Variants in ERC2 observed in about 807,000 individuals in gnomAD.
ERC2 encodes ELKS/RAB6-interacting/CAST family member 2, also known as ERC protein 2.
A neutral mutation model predicts 114.8 loss-of-function variants in ERC2; 42 were observed. The ratio of observed to expected loss-of-function variants is 0.37; its 90% CI spans 0.29 to 0.47. ERC2 has a LOEUF of 0.47. ERC2 is among the 20% of genes least tolerant of loss of function. The pLI is 0.99. For missense variants in ERC2, 939 were observed against 1,150.7 expected, an observed-to-expected ratio of 0.82 and a Z score of 2.66; for synonymous variants, 454 against 425.5, an observed-to-expected ratio of 1.07 and a Z score of -0.82.
At chr3:56,184,592 A>G (rs1302961314) in intron 3 of ERC2, among the ~76,000 whole-genome samples, 2 of 151,992 alleles carry the variant, frequency 1.3e-5, no homozygotes, top group Non-Finnish European at 2.9e-5. Flanking sequence ...AGAGTTAGGT[A>G]ACATACCCAA....
At chr3:56,122,106 A>G (rs910654766) in intron 6 of ERC2, among the ~76,000 whole-genome samples, 1 of 152,250 alleles carries the variant, frequency 6.6e-6, no homozygotes, top group Non-Finnish European at 1.5e-5. Context: ...GAAACATTGG[A>G]AACAACCTGT....
At chr3:56,431,014 G>A (rs564302516) in intron 2 of ERC2, among the ~76,000 whole-genome samples, 1 of 152,232 alleles carries the variant, frequency 6.6e-6, no homozygotes, top group Non-Finnish European at 1.5e-5. Context: ...TGTGAACTTG[G>A]ATAAGTTGCT....
At chr3:56,030,107 G>A (rs1166619996) in intron 7 of ERC2, among the ~76,000 whole-genome samples, 2 of 152,132 alleles carry the variant, frequency 1.3e-5, no homozygotes, top group East Asian at 1.9e-4. Context: ...ATTTTCAAGT[G>A]TTTATAGATC....
intron 1 of ERC2, among the ~76,000 whole-genome samples, chr3:56,452,568 C>T (rs1424532740): frequency 6.6e-6 from 1 of 152,102 alleles, no homozygotes; most frequent in East Asian, 1.9e-4. Context: ...TATGTTTATA[C>T]AATTTAAAGT....
chr3:56,040,785 TATATAGATATATATAGAGAGATAC>T (rs1371984344), intron 7 of ERC2, among the ~76,000 whole-genome samples: 3 of 45,844 alleles, frequency 6.5e-5, no homozygotes, highest in African/African-American at 1.7e-4. Context: ...TATAGAGATA[TATATAGATATATATAGAGAGATAC>T]ATATAGATAT....
chr3:56,190,255 C>T (rs987319395), intron 3 of ERC2, among the ~76,000 whole-genome samples: 3 of 152,202 alleles, frequency 2.0e-5, no homozygotes, highest in Non-Finnish European at 4.4e-5. Context: ...CTGCCACCAA[C>T]AAGCTGTGAA....
Position 55,767,594 on chromosome 3 carries a change from G to A in ERC2, c.2565-32676C>T, listed in dbSNP as rs556451376. Among the ~76,000 whole-genome samples, 17 of 152,182 alleles carry A rather than the reference G, an allele frequency of 1.1e-4. No individual in the cohort carries two copies. In the East Asian group the frequency reaches 1.2e-3, roughly 10 times the overall value. On this transcript the variant is annotated intron_variant, in intron 14 of 17. Transcript: ENST00000288221. ...ATGCGTATAGACCTCTAAGAAGCCC[G>A]CCTAATCAGACATGCCCAGGTAGAT...
intron 7 of ERC2, among the ~76,000 whole-genome samples, chr3:56,067,853 C>T (rs182201530): frequency 1.5e-4 from 23 of 152,184 alleles, no homozygotes; most frequent in South Asian, 2.1e-4. Flanking sequence ...TATTGATTTG[C>T]GTATGTTGAA....
At chr3:56,152,502 C>A (rs2081475026) in intron 4 of ERC2, among the ~76,000 whole-genome samples, 1 of 152,058 alleles carries the variant, frequency 6.6e-6, no homozygotes, top group South Asian at 2.1e-4. Context: ...CTAAGCCCAG[C>A]ACTTAAGACA....
At chr3:55,820,990 G>A (rs1378768509) in intron 14 of ERC2, among the ~76,000 whole-genome samples, 1 of 152,092 alleles carries the variant, frequency 6.6e-6, no homozygotes, top group Non-Finnish European at 1.5e-5. Flanking sequence ...AAGAAAAATG[G>A]GAGAGAGCAA....
intron 2 of ERC2, among the ~76,000 whole-genome samples, chr3:56,376,031 C>T (rs1234772213): frequency 6.6e-6 from 1 of 152,154 alleles, no homozygotes; most frequent in Non-Finnish European, 1.5e-5. Flanking sequence ...CATGGATGAG[C>T]TTAGAAGCAG....
chr3:55,543,393 A>T (rs2054530767), intron 17 of ERC2, among the ~76,000 whole-genome samples: 1 of 152,204 alleles, frequency 6.6e-6, no homozygotes, highest in African/African-American at 2.4e-5. Context: ...ATCCCGATGA[A>T]AAAGGAAGGC....
intron 17 of ERC2, among the ~76,000 whole-genome samples, chr3:55,528,025 A>C (rs1263651024): frequency 6.6e-6 from 1 of 152,180 alleles, no homozygotes; most frequent in Non-Finnish European, 1.5e-5. Context: ...GCTTCCTTGG[A>C]GGATCAGGGG....
rs1430683725 is a variant in ERC2 at position 56,276,744 on chromosome 3, T to A, written c.1074+19275A>T. Among the ~76,000 whole-genome samples the A allele has an allele frequency of 2.6e-5, 4 of 152,268 alleles. No homozygotes were observed. In the East Asian group the frequency reaches 7.7e-4, roughly 29 times the overall value. ...CATGTGCTAGTGCAGGGGTGTCCAATCTTTTGGCTTCGCTGGGCCACATTG... is the reference window on the plus strand; with the variant it reads ...CATGTGCTAGTGCAGGGGTGTCCAAACTTTTGGCTTCGCTGGGCCACATTG... On this transcript the variant is annotated intron_variant, in intron 3 of 17. Transcript: ENST00000288221.
intron 14 of ERC2, among the ~76,000 whole-genome samples, chr3:55,831,684 A>G (rs1229658699): frequency 6.6e-6 from 1 of 152,200 alleles, no homozygotes; most frequent in Non-Finnish European, 1.5e-5. Flanking sequence ...TGAGTGACAC[A>G]GAAGATGGGT....
intron 6 of ERC2, among the ~76,000 whole-genome samples, chr3:56,096,632 G>A (rs560506475): frequency 2.6e-5 from 4 of 152,140 alleles, no homozygotes; most frequent in Non-Finnish European, 4.4e-5. Context: ...TCTCTGAGAC[G>A]TCTCCTAGTT....
intron 17 of ERC2, among the ~76,000 whole-genome samples, chr3:55,558,946 A>G (rs76520662): frequency 0.077 from 11,706 of 152,292 alleles, 580 homozygotes; most frequent in South Asian, 0.16. Flanking sequence ...GCAGGGAGGC[A>G]TTAGTATTTC....
intron 3 of ERC2, among the ~76,000 whole-genome samples, chr3:56,217,835 C>T (rs570253601): frequency 1.3e-5 from 2 of 152,198 alleles, no homozygotes; most frequent in South Asian, 4.2e-4. Context: ...AATAATGCCA[C>T]GTATCTACAA....
chr3:55,896,775 G>A (rs1321415932), intron 13 of ERC2, among the ~76,000 whole-genome samples: 3 of 152,128 alleles, frequency 2.0e-5, no homozygotes, highest in African/African-American at 4.8e-5. Flanking sequence ...TACATATCTA[G>A]AACATAATAA....
Sources: allele counts gnomAD v4.1 joint callset (sites outside exome capture counted in the v4.1 genomes callset), GRCh38; gene constraint gnomAD v4.1.1; transcripts MANE v1.5; gene names NCBI Gene and HGNC (gene_info 2026-07-23, HGNC 2026-07-21).